Variants in DISC1 observed in about 807,000 individuals in gnomAD.
DISC1 encodes the protein disrupted in schizophrenia 1 protein.
Under a neutral mutation model 84.5 loss-of-function variants are expected in DISC1, and 57 were observed. That is an observed-to-expected ratio of 0.67 (90% confidence interval 0.55 to 0.84). The LOEUF is 0.84. Ranked by LOEUF, DISC1 falls within the 40% of genes least tolerant of loss-of-function variation. The pLI is 0.00. For synonymous variants in DISC1, 411 were observed against 415.2 expected (o/e 0.99, Z 0.12); for missense variants, 1,000 against 1,057.8 (o/e 0.95, Z 0.76).
At chr1:231,819,502 A>C (rs995780304) in intron 9 of DISC1, among the ~76,000 whole-genome samples, 2 of 152,222 alleles carry the variant, frequency 1.3e-5, no homozygotes, top group Admixed American at 1.3e-4. Context: ...GAGTATGTTC[A>C]GTAGTTATTC....
intron 9 of DISC1, among the ~76,000 whole-genome samples, chr1:231,823,849 A>T (rs538198700): frequency 9.4e-4 from 143 of 152,024 alleles, no homozygotes; most frequent in African/African-American, 3.4e-3. Flanking sequence ...AGAGACTGAA[A>T]CCACATACAC....
intron 12 of DISC1, 64 bp from the exon 13 acceptor site, chr1:232,036,628 G>T (rs17773715): frequency 5.4e-5 from 76 of 1,408,500 alleles, no homozygotes; most frequent in Non-Finnish European, 6.7e-5. Flanking sequence ...CACGCTCTTC[G>T]ATCCCTCGGA....
chr1:231,767,073 A>G (rs1379157801), intron 4 of DISC1, 67 bp from the exon 5 acceptor site: 21 of 1,598,738 alleles, frequency 1.3e-5, no homozygotes, highest in Non-Finnish European at 1.5e-5. Context: ...CTTACTCTTA[A>G]AATACTTGTC....
At chr1:231,815,165 A>G (rs964578706) in intron 8 of DISC1, 1 of 152,034 alleles carries the variant, frequency 6.6e-6, no homozygotes, top group Non-Finnish European at 1.5e-5. Context: ...GTTCATGCTT[A>G]AAAATTTCTT....
intron 9 of DISC1, among the ~76,000 whole-genome samples, chr1:231,939,822 A>C (rs1432352525): frequency 6.6e-6 from 1 of 151,576 alleles, no homozygotes; most frequent in African/African-American, 2.4e-5. Context: ...AGCTCACCGC[A>C]ACCTCCGCCT....
intron 1 of DISC1, among the ~76,000 whole-genome samples, chr1:231,648,490 G>A (rs915099960): frequency 2.6e-5 from 4 of 152,250 alleles, no homozygotes; most frequent in South Asian, 2.1e-4. Context: ...TTGCATCGAC[G>A]TTCATCAGGG....
chr1:231,786,002 ATC>A (rs1374736622), intron 6 of DISC1, among the ~76,000 whole-genome samples: 1 of 152,120 alleles, frequency 6.6e-6, no homozygotes, highest in African/African-American at 2.4e-5. Context: ...TATCTAATAT[ATC>A]TCTATTATCT....
At chr1:231,958,935 T>C (rs750709764) in intron 10 of DISC1, 47 bp downstream of exon 10, 8 of 1,560,536 alleles carry the variant, frequency 5.1e-6, no homozygotes, top group South Asian at 1.3e-5. Context: ...CACATCTAGA[T>C]TCTTTATTAT....
In DISC1 at chr1:232,009,749, C is replaced by A. The variant is rs139899969; in HGVS notation, c.2307+700C>A. On this transcript the variant is annotated intron_variant, in intron 11 of 12. Coordinates refer to ENST00000439617, the MANE Select transcript of DISC1 (RefSeq NM_018662.3). This position sits in a 1 kb window ranked among gnomAD's most constrained non-coding sequence, Gnocchi z 4.6. ...AACAAGAGTCTTTTCCATAAAAAGG[C>A]CCTAGGAAGTTTTTCCTGATTTCAG... 1.2e-3 allele frequency: 474 copies of A among 400,332 alleles called. 2 individuals are homozygous for A. Among genetic ancestry groups the A allele is most frequent in the African/African-American group, 9.7e-3 (446 of 45,914 alleles). The allele number at this position is 400,332 out of a possible 1,614,324, so 24.8% of individuals were successfully genotyped here. A position where few individuals can be genotyped will look rare whatever the true frequency, so the allele number is the denominator to read the frequency against.
intron 6 of DISC1, among the ~76,000 whole-genome samples, chr1:231,785,527 C>T (rs1047515269): frequency 1.3e-5 from 2 of 152,118 alleles, no homozygotes; most frequent in African/African-American, 4.8e-5. Flanking sequence ...CTCCCGCGCT[C>T]AAGTGATCTG....
intron 12 of DISC1, among the ~76,000 whole-genome samples, chr1:232,030,948 A>G (rs1042212882): frequency 5.9e-5 from 9 of 152,252 alleles, no homozygotes; most frequent in East Asian, 1.9e-4. Context: ...CCCTGTCTCT[A>G]TTAAAAATAC....
intron 9 of DISC1, chr1:231,819,320 A>G (rs1256539524): frequency 4.2e-6 from 1 of 240,014 alleles, no homozygotes; most frequent in African/African-American, 2.3e-5. Flanking sequence ...GGGCTTTTGT[A>G]AATACTCCGT....
chr1:231,695,232 C>G (rs777383672), intron 2 of DISC1, among the ~76,000 whole-genome samples: 1 of 152,236 alleles, frequency 6.6e-6, no homozygotes, highest in African/African-American at 2.4e-5. Flanking sequence ...CACTCATTCC[C>G]TTCCATCCTG....
chr1:231,837,364 A>T (rs1264476579), intron 9 of DISC1, among the ~76,000 whole-genome samples: 5 of 152,184 alleles, frequency 3.3e-5, no homozygotes, highest in Admixed American at 2.6e-4. Context: ...TTTTTATCCC[A>T]AAGTGTAGCT....
In DISC1 at chr1:232,012,296, A is replaced by G. The variant is rs113727410; in HGVS notation, c.2307+3247A>G. 5.5e-3 allele frequency among the ~76,000 whole-genome samples: 830 copies of G among 152,260 alleles called. 6 individuals carry two copies. Among genetic ancestry groups the G allele is most frequent in the South Asian group, 0.019 (91 of 4,828 alleles). ...TTTTGTCAAGAAGTAGACATGAGCA[A>G]TGAGTTAGTGGAAGATACCCAGTCA... On this transcript the variant is annotated intron_variant, in intron 11 of 12. Transcript: ENST00000439617.
intron 9 of DISC1, among the ~76,000 whole-genome samples, chr1:231,932,037 G>A (rs1359348903): frequency 6.6e-6 from 1 of 152,150 alleles, no homozygotes; most frequent in East Asian, 1.9e-4. Flanking sequence ...CTGACACCTG[G>A]TGGCAGTGTC....
Position 231,956,621 on chromosome 1 carries a change from G to A in DISC1, c.1982-2207G>A, listed in dbSNP as rs145253506. Among the ~76,000 whole-genome samples, 632 of 152,212 alleles carry A rather than the reference G, an allele frequency of 4.2e-3. 12 individuals carry two copies. In the South Asian group the frequency reaches 0.067, roughly 16 times the overall value. ...TAGTGGCTTTCTAGTTACTACAGCT[G>A]TGCAACAAAACATCCCCAAACTTAA... On this transcript the variant is annotated intron_variant, in intron 9 of 12. Transcript: ENST00000439617.
intron 1 of DISC1, among the ~76,000 whole-genome samples, chr1:231,649,626 T>C (rs1465704463): frequency 6.6e-6 from 1 of 152,196 alleles, no homozygotes; most frequent in African/African-American, 2.4e-5. Flanking sequence ...ACCTTCTGTC[T>C]TGTTGATCTG....
At chr1:232,002,595 GCA>G (rs55740228) in intron 10 of DISC1, among the ~76,000 whole-genome samples, 11,130 of 143,476 alleles carry the variant, frequency 0.078, 418 homozygotes, top group Admixed American at 0.11. Context: ...ATTATGCTGA[GCA>G]CACACACACA....
Sources: allele counts gnomAD v4.1 joint callset (sites outside exome capture counted in the v4.1 genomes callset), GRCh38; gene constraint gnomAD v4.1.1; non-coding constraint Gnocchi (gnomAD v3.1); transcripts MANE v1.5; gene names NCBI Gene and HGNC (gene_info 2026-07-23, HGNC 2026-07-21).